The following DMXL1 variants were observed in gnomAD, a reference collection of about 807,000 sequenced individuals.
DMXL1 encodes Dmx like 1, also known as dmX-like protein 1.
DMXL1 carries 99 observed loss-of-function variants against 319.2 expected under a neutral mutation model. The ratio of observed to expected loss-of-function variants is 0.31; its 90% CI spans 0.26 to 0.37. The LOEUF is 0.37. DMXL1 is among the 10% of genes least tolerant of loss of function. The pLI is 1.00. For missense variants in DMXL1, 3,745 were observed against 3,595.6 expected, an observed-to-expected ratio of 1.04 and a Z score of -1.06; for synonymous variants, 1,385 against 1,235.2, an observed-to-expected ratio of 1.12 and a Z score of -2.54.
At chr5:119,235,110 A>G (rs758216142) in intron 39 of DMXL1, among the ~76,000 whole-genome samples, 3 of 152,138 alleles carry the variant, frequency 2.0e-5, no homozygotes, top group Non-Finnish European at 4.4e-5. Flanking sequence ...CTTAAGGTAA[A>G]TGGAAGAGAT....
chr5:119,079,907 T>TGACC (rs776146490), intron 1 of DMXL1, among the ~76,000 whole-genome samples: 5 of 152,222 alleles, frequency 3.3e-5, no homozygotes, highest in Non-Finnish European at 5.9e-5. Context: ...TAAATATTGG[T>TGACC]GACCGTCAGG....
intron 4 of DMXL1, among the ~76,000 whole-genome samples, chr5:119,109,180 ATGT>A (rs1365968210): frequency 6.6e-6 from 1 of 152,154 alleles, no homozygotes; most frequent in Non-Finnish European, 1.5e-5. Flanking sequence ...GGTTTCCCTG[ATGT>A]TGTCTGTCTC....
chr5:119,157,381 C>G (rs954702308), intron 19 of DMXL1, among the ~76,000 whole-genome samples: 1 of 152,080 alleles, frequency 6.6e-6, no homozygotes, highest in Non-Finnish European at 1.5e-5. Context: ...GGTGTGATAT[C>G]CAAAAAAATC....
At chr5:119,166,926 G>A in intron 22 of DMXL1, 145 bp downstream of exon 22, 2 of 646,108 alleles carry the variant, frequency 3.1e-6, no homozygotes, top group Non-Finnish European at 4.9e-6. Context: ...ATTTAATAAA[G>A]ACATTTAAAA....
chr5:119,168,877 C>A (rs1443590276), intron 23 of DMXL1, among the ~76,000 whole-genome samples: 1 of 151,718 alleles, frequency 6.6e-6, no homozygotes, highest in Non-Finnish European at 1.5e-5. Context: ...CTTCCTCTTT[C>A]CTTTTGTCTT....
rs965571601 is a variant in DMXL1 at position 119,081,508 on chromosome 5, A to T, written c.87+9852A>T. The T allele has an allele frequency of 2.1e-5, 19 of 922,594 alleles. No individual in the cohort carries two copies. In the African/African-American group the frequency reaches 2.3e-4, roughly 11 times the overall value. 57.2% of individuals were successfully genotyped at this position (922,594 alleles called of 1,614,324 possible). On this transcript the variant is annotated intron_variant, in intron 1 of 43. Transcript: ENST00000539542. The stretch of plus-strand genomic sequence containing the variant: ...CTTGAGAACATACTTTGACTCAAAC[A>T]TCTTCACACTTAAGTCAATTAACAG...
intron 13 of DMXL1, among the ~76,000 whole-genome samples, chr5:119,142,699 G>A (rs1767672278): frequency 1.3e-5 from 2 of 151,970 alleles, no homozygotes; most frequent in African/African-American, 2.4e-5. Flanking sequence ...TGTACCTAGA[G>A]GAGTATAAAT....
At chr5:119,191,314 C>G (rs1473457799) in intron 29 of DMXL1, among the ~76,000 whole-genome samples, 13 of 152,216 alleles carry the variant, frequency 8.5e-5, no homozygotes, top group Non-Finnish European at 2.9e-5. Context: ...AAATTGACAT[C>G]TAACTGTAAC....
Position 119,149,724 on chromosome 5 carries a change from A to C in DMXL1, c.3897A>C (p.Ala1299=). The change falls in exon 18 of 44, where the codon GCA becomes GCC. Residue 1299 remains alanine, a synonymous_variant. Coordinates refer to ENST00000539542, the MANE Select transcript of DMXL1 (RefSeq NM_001290321.3). ...AGAAAATCTGTGGAAAGAAAACTGC[A>C]TTCGATCCTTCAGTGGATATGGAAG... ...LAQKICGKKT[A]FDPSVDMEDS... is the part of the protein sequence containing the mutation. The C allele has an allele frequency of 1.2e-6, 2 of 1,614,018 alleles. No individual in the cohort carries two copies. The highest frequency in any genetic ancestry group is 1.7e-6 in the Non-Finnish European group (2 of 1,179,936).
upstream of DMXL1, chr5:119,071,086 C>T (rs17144918): frequency 0.028 from 4,579 of 166,076 alleles, 207 homozygotes; most frequent in African/African-American, 0.1. Flanking sequence ...CGCAGGGATC[C>T]AGAGGCGCGT....
rs1773542410 is a variant in DMXL1 at position 119,166,874 on chromosome 5, T to C, written c.5136+93T>C. 1.5e-5 allele frequency: 16 copies of C among 1,046,286 alleles called. No individual in the cohort carries two copies. In the South Asian group the frequency reaches 2.6e-4, roughly 17 times the overall value. The allele number at this position is 1,046,286 out of a possible 1,614,324, so 64.8% of individuals were successfully genotyped here. ...TTTTATTTTTTTAAATTCAACTTTA[T>C]TGGAAATAACACAAGGCCAAATATC... On this transcript the variant is annotated intron_variant, in intron 22 of 43. Transcript: ENST00000539542.
At chr5:119,153,453 C>G (rs768988788) in intron 19 of DMXL1, among the ~76,000 whole-genome samples, 6 of 152,162 alleles carry the variant, frequency 3.9e-5, no homozygotes, top group African/African-American at 7.2e-5. Context: ...GAAATGTACT[C>G]TCTTAGCAAT....
intron 35 of DMXL1, 21 bp downstream of exon 35, chr5:119,217,008 C>T (rs530626665): frequency 2.3e-6 from 3 of 1,323,934 alleles, no homozygotes; most frequent in African/African-American, 3.0e-5. Flanking sequence ...AGACATTCTT[C>T]TTTTGTTTAT....
intron 7 of DMXL1, among the ~76,000 whole-genome samples, chr5:119,118,481 A>G (rs1170305020): frequency 6.6e-6 from 1 of 152,146 alleles, no homozygotes; most frequent in South Asian, 2.1e-4. Context: ...ATGGTGGCAC[A>G]CACCTGTAAT....
intron 38 of DMXL1, among the ~76,000 whole-genome samples, chr5:119,225,348 TCTTC>T (rs1001932391): frequency 1.2e-4 from 18 of 152,074 alleles, no homozygotes; most frequent in Non-Finnish European, 1.8e-4. Flanking sequence ...TAAAAGTTTC[TCTTC>T]CTTCAACCAA....
chr5:119,094,582 A>G lies in DMXL1; in HGVS notation c.88-3397A>G, dbSNP rs530066056. On this transcript the variant is annotated intron_variant, in intron 1 of 43. Coordinates refer to ENST00000539542, the MANE Select transcript of DMXL1 (RefSeq NM_001290321.3). ...AGTCCATGAACCAAGAAATGCTTCC[A>G]ACTTTTAAAGTCTTATTTAAGAAAG... is the stretch of plus-strand genomic sequence containing the variant. Among the ~76,000 whole-genome samples, 10 of 152,340 alleles carry G rather than the reference A, an allele frequency of 6.6e-5. No homozygotes were observed. In the South Asian group the frequency reaches 2.1e-3, roughly 32 times the overall value.
intron 34 of DMXL1, among the ~76,000 whole-genome samples, chr5:119,207,611 C>G (rs1781978482): frequency 6.6e-6 from 1 of 152,142 alleles, no homozygotes; most frequent in African/African-American, 2.4e-5. Context: ...CTCTGCCCCC[C>G]AGGTTCAAGC....
chr5:119,208,791 A>G (rs1001742896), intron 34 of DMXL1, among the ~76,000 whole-genome samples: 2 of 152,208 alleles, frequency 1.3e-5, no homozygotes, highest in Admixed American at 6.5e-5. Context: ...TAGCGAAGCC[A>G]TCACCACAAC....
intron 13 of DMXL1, chr5:119,139,032 A>G (rs1020805373): frequency 6.6e-6 from 1 of 152,236 alleles, no homozygotes; most frequent in African/African-American, 2.4e-5. Flanking sequence ...CAAGAATTTC[A>G]TATCTAGTCA....
Sources: gnomAD v4.1 joint callset for allele counts (sites outside exome capture counted in the v4.1 genomes callset) on GRCh38, gnomAD v4.1.1 for gene constraint, MANE v1.5 for transcripts, NCBI Gene and HGNC (gene_info 2026-07-23, HGNC 2026-07-21) for gene names.